HTT: variants seen among roughly 807,000 people sequenced by gnomAD.
HTT encodes the protein huntington disease protein.
Under a neutral mutation model 362.3 loss-of-function variants are expected in HTT, and 104 were observed. That is an observed-to-expected ratio of 0.29 (90% CI 0.24 to 0.34). The LOEUF is 0.34. Among genes scored for constraint, HTT ranks in the 10% least tolerant of loss-of-function variants. The pLI is 1.00. For missense variants in HTT, 3,301 were observed against 3,928.6 expected (o/e 0.84, Z 4.27); for synonymous variants, 1,577 against 1,548.7 (o/e 1.02, Z -0.43).
rs1440886626 is a variant in HTT at position 3,131,895 on chromosome 4, C to T, written c.2236+120C>T. 7.3e-5 allele frequency: 68 copies of T among 928,654 alleles called. No individual in the cohort carries two copies. In the East Asian group the frequency reaches 1.7e-3, roughly 23 times the overall value. 57.5% of individuals were successfully genotyped at this position (928,654 alleles called of 1,614,324 possible). On this transcript the variant is annotated intron_variant, in intron 16 of 66. Coordinates refer to ENST00000355072, the MANE Select transcript of HTT (RefSeq NM_001388492.1). ...TTTTGAGTTCATTTGGGATATTTGACCTGCGTTGTAGCTCTTCAGAAAACA... is the reference window on the plus strand; with the variant it reads ...TTTTGAGTTCATTTGGGATATTTGATCTGCGTTGTAGCTCTTCAGAAAACA...
chr4:3,160,494 T>C, intron 29 of HTT, 102 bp downstream of exon 29: 1 of 772,912 alleles, frequency 1.3e-6, no homozygotes, highest in Non-Finnish European at 2.3e-6. Flanking sequence ...CCAGGGTGCC[T>C]CCGGGAGACT....
At chr4:3,157,239 A>G (rs1369815175) in intron 28 of HTT, 40 bp downstream of exon 28, 3 of 1,565,048 alleles carry the variant, frequency 1.9e-6, no homozygotes, top group Non-Finnish European at 2.6e-6. Context: ...ATATGCACAC[A>G]TACTTACGTC....
chr4:3,147,524 T>C (rs1224904420), intron 25 of HTT, among the ~76,000 whole-genome samples: 1 of 152,226 alleles, frequency 6.6e-6, no homozygotes, highest in East Asian at 1.9e-4. Flanking sequence ...CTGTGCTATT[T>C]GCTTCAGGGG....
intron 18 of HTT, among the ~76,000 whole-genome samples, chr4:3,133,130 G>A (rs765406762): frequency 2.6e-5 from 4 of 152,068 alleles, no homozygotes; most frequent in Non-Finnish European, 5.9e-5. Flanking sequence ...CAGAATATTT[G>A]TTTGAAATAG....
chr4:3,104,806 A>G (rs897329387), intron 4 of HTT, among the ~76,000 whole-genome samples: 2 of 151,970 alleles, frequency 1.3e-5, no homozygotes, highest in African/African-American at 4.8e-5. Flanking sequence ...TGGGAGATTG[A>G]GGTGGGAGGA....
chr4:3,161,083 C>T (rs1159260712), intron 29 of HTT, among the ~76,000 whole-genome samples: 1 of 152,110 alleles, frequency 6.6e-6, no homozygotes, highest in East Asian at 1.9e-4. Flanking sequence ...TCCCCTCACT[C>T]CCCATGGGCC....
At chr4:3,234,022 C>T (rs1721398052) in intron 61 of HTT, among the ~76,000 whole-genome samples, 1 of 152,198 alleles carries the variant, frequency 6.6e-6, no homozygotes, top group South Asian at 2.1e-4. Context: ...CATCAGCCAC[C>T]CACATGGGGG....
intron 1 of HTT, among the ~76,000 whole-genome samples, chr4:3,085,220 C>G (rs1241604802): frequency 6.6e-6 from 1 of 151,948 alleles, no homozygotes; most frequent in Non-Finnish European, 1.5e-5. Flanking sequence ...GCACTGCAAC[C>G]TCTGCCTCCT....
At chr4:3,162,008 C>G (rs1717471278) in intron 29 of HTT, among the ~76,000 whole-genome samples, 1 of 152,088 alleles carries the variant, frequency 6.6e-6, no homozygotes, top group Non-Finnish European at 1.5e-5. Flanking sequence ...ATGCCTATGT[C>G]CTGAATGTTA....
chr4:3,130,036 A>G lies in HTT; in HGVS notation c.1856A>G (p.Asn619Ser), dbSNP rs756556553. Residue 619 changes from asparagine to serine, a missense_variant, in exon 13 of 67, where the codon AAC becomes AGC. Around this residue, in one of 4 missense-constraint regions of HTT, gnomAD observed 2,316 missense variants for 2,658.5 expected, o/e 0.87. Transcript: ENST00000355072. ...LPDEASEAFR[N>S]SSMALQQAHL... ...GATGAAGCCTCGGAGGCCTTCAGGA[A>G]CTCTTCCATGGGTATGTGGACTACA... The G allele has an allele frequency of 3.7e-5, 59 of 1,609,582 alleles. 1 individual carries two copies. Among genetic ancestry groups the G allele is most frequent in the South Asian group, 1.5e-4 (14 of 90,418 alleles).
chr4:3,140,393 A>C, intron 21 of HTT, 117 bp from the exon 22 acceptor site: 1 of 774,022 alleles, frequency 1.3e-6, no homozygotes, highest in Non-Finnish European at 2.1e-6. Context: ...GGGGGCGAGA[A>C]GTGGTGTCCG....
chr4:3,103,780 G>A (rs1006338015), intron 3 of HTT, 44 bp from the exon 4 acceptor site: 1 of 1,245,586 alleles, frequency 8.0e-7, no homozygotes, highest in Non-Finnish European at 1.2e-6. Flanking sequence ...TTTAGAACTA[G>A]TGATGGGATG....
intron 4 of HTT, among the ~76,000 whole-genome samples, chr4:3,104,653 A>G (rs1714335252): frequency 1.3e-5 from 2 of 151,904 alleles, no homozygotes; most frequent in African/African-American, 2.4e-5. Context: ...GGTGGCTCAC[A>G]CCTTAGTCCC....
rs938358621 is a variant in HTT at position 3,235,859 on chromosome 4, G to T, written c.8785+81G>T. 7.4e-6 allele frequency: 8 copies of T among 1,084,518 alleles called. No individual in the cohort carries two copies. In the African/African-American group the frequency reaches 7.8e-5, roughly 11 times the overall value. 67.2% of individuals were successfully genotyped at this position (1,084,518 alleles called of 1,614,324 possible). Reference sequence around the variant, plus strand: ...GGAGCATGCTCACTCAAGGGACCTCGACTAGGTGCCCTCTGATTTCACACT... The same window carrying T: ...GGAGCATGCTCACTCAAGGGACCTCTACTAGGTGCCCTCTGATTTCACACT... On this transcript the variant is annotated intron_variant, in intron 63 of 66. Coordinates refer to ENST00000355072, the MANE Select transcript of HTT (RefSeq NM_001388492.1).
At chr4:3,165,568 C>CT (rs1717660253) in intron 29 of HTT, among the ~76,000 whole-genome samples, 1 of 152,140 alleles carries the variant, frequency 6.6e-6, no homozygotes, top group Non-Finnish European at 1.5e-5. Context: ...TAGATTTGGT[C>CT]TTTTCACATA....
intron 7 of HTT, 92 bp from the exon 8 acceptor site, chr4:3,115,993 A>G: frequency 8.7e-7 from 1 of 1,147,878 alleles, no homozygotes; most frequent in Middle Eastern, 3.0e-4. Context: ...TGCCATCTTG[A>G]TCTCTCAGGA....
At chr4:3,208,145 G>T (rs1719960802) in intron 45 of HTT, among the ~76,000 whole-genome samples, 1 of 152,158 alleles carries the variant, frequency 6.6e-6, no homozygotes, top group South Asian at 2.1e-4. Flanking sequence ...ATGGGATTGG[G>T]CACAATTAGG....
chr4:3,080,097 CT>C (rs1159368441), intron 1 of HTT, among the ~76,000 whole-genome samples: 382 of 144,300 alleles, frequency 2.6e-3, no homozygotes, highest in Middle Eastern at 3.6e-3. Context: ...CAGGCTCTTT[CT>C]TTTTTTTTTT....
In HTT at chr4:3,121,360, A is replaced by G. The variant is rs1352353519; in HGVS notation, c.1201A>G (p.Ile401Val). 1 of 1,614,118 alleles carries G rather than the reference A, an allele frequency of 6.2e-7. No homozygotes were observed. Among genetic ancestry groups the G allele is most frequent in the South Asian group, 1.1e-5 (1 of 91,082 alleles). Residue 401 changes from isoleucine (I) to valine (V), a missense_variant, in exon 9 of 67, where the codon ATT (isoleucine) becomes GTT (valine). Physicochemically the swap from Ile to Val is conservative, Grantham distance 29. Transcript: ENST00000355072. ...LLQTLTAVGGIGQLTAAKEES... is the reference protein window; with the variant it reads ...LLQTLTAVGGVGQLTAAKEES... ...GCAAACCCTGACCGCAGTCGGGGGC[A>G]TTGGGCAGCTCACCGCTGCTAAGGA...
Sources: allele counts gnomAD v4.1 joint callset (sites outside exome capture counted in the v4.1 genomes callset), GRCh38; gene constraint gnomAD v4.1.1; regional missense constraint gnomAD v4.1.1; transcripts MANE v1.5; gene names NCBI Gene and HGNC (gene_info 2026-07-23, HGNC 2026-07-21).